The following WASF2 variants were observed in gnomAD, a reference collection of about 807,000 sequenced individuals.
WASF2 encodes the protein actin-binding protein WASF2.
A neutral mutation model predicts 45.0 loss-of-function variants in WASF2; 14 were observed. The ratio of observed to expected loss-of-function variants is 0.31; its 90% CI spans 0.21 to 0.49. The LOEUF is 0.49. Among genes scored for constraint, WASF2 ranks in the 20% least tolerant of loss-of-function variants. WASF2 has a pLI of 0.99. For missense variants in WASF2, 439 were observed against 636.1 expected (o/e 0.69, Z 3.33); for synonymous variants, 200 against 236.3 (o/e 0.85, Z 1.41).
At chr1:27,461,629 A>C (rs1274430990) in intron 1 of WASF2, among the ~76,000 whole-genome samples, 1 of 148,658 alleles carries the variant, frequency 6.7e-6, no homozygotes, top group African/African-American at 2.5e-5. Context: ...CGCCCAGCTA[A>C]TTTTTTTTTT....
rs1214970696 is a variant in WASF2, at chr1:27,455,514, G to C, written c.-43-26581C>G. ...AGAAAAATCAGACTAGGAATGATCAGAGAGAATGTGTTATTTAAGGCCCTT... is the reference window on the plus strand; with the variant it reads ...AGAAAAATCAGACTAGGAATGATCACAGAGAATGTGTTATTTAAGGCCCTT... On this transcript the variant is annotated intron_variant, in intron 1 of 8. Transcript: ENST00000618852. Among the ~76,000 whole-genome samples, 7 of 152,276 alleles carry C rather than the reference G, an allele frequency of 4.6e-5. No individual in the cohort carries two copies. The East Asian group carries it at 7.7e-4, about 17-fold the overall frequency.
intron 1 of WASF2, among the ~76,000 whole-genome samples, chr1:27,478,252 T>A (rs377524788): frequency 5.8e-5 from 4 of 69,148 alleles, no homozygotes; most frequent in South Asian, 8.2e-4. Context: ...AAGTAGAAAA[T>A]AAATTTCATG....
At chr1:27,422,568 G>A (rs1322510544) in intron 2 of WASF2, among the ~76,000 whole-genome samples, 4 of 138,532 alleles carry the variant, frequency 2.9e-5, no homozygotes, top group South Asian at 2.2e-4. Context: ...GCAGTGAGCC[G>A]AGATTGTGCC....
chr1:27,423,549 T>C (rs1476448014), intron 2 of WASF2, among the ~76,000 whole-genome samples: 2 of 152,200 alleles, frequency 1.3e-5, no homozygotes, highest in African/African-American at 2.4e-5. Context: ...TTTGATAGTA[T>C]CTATTCTTCA....
chr1:27,470,629 G>A (rs1388179384), intron 1 of WASF2, among the ~76,000 whole-genome samples: 1 of 149,648 alleles, frequency 6.7e-6, no homozygotes, highest in African/African-American at 2.5e-5. Context: ...AGAAATATGT[G>A]AGTCAAAATG....
intron 2 of WASF2, 61 bp from the exon 3 acceptor site, chr1:27,419,149 A>T (rs2016867652): frequency 6.3e-7 from 1 of 1,591,858 alleles, no homozygotes; most frequent in Admixed American, 1.7e-5. Flanking sequence ...GGTCACAAAA[A>T]CTGGCTACTA....
intron 1 of WASF2, among the ~76,000 whole-genome samples, chr1:27,454,135 ATGTGTGTG>A (rs376322285): frequency 2.6e-5 from 1 of 37,976 alleles, no homozygotes; most frequent in African/African-American, 9.9e-5. Flanking sequence ...GTATATATAT[ATGTGTGTG>A]TGTGTGTGTG....
At chr1:27,451,522 A>C (rs1342638578) in intron 1 of WASF2, among the ~76,000 whole-genome samples, 1 of 152,136 alleles carries the variant, frequency 6.6e-6, no homozygotes, top group Non-Finnish European at 1.5e-5. Flanking sequence ...CACTTAACAG[A>C]GTGTGCTAAA....
intron 1 of WASF2, among the ~76,000 whole-genome samples, chr1:27,434,020 G>C (rs886265618): frequency 6.6e-6 from 1 of 152,184 alleles, no homozygotes; most frequent in Non-Finnish European, 1.5e-5. Context: ...CTGCTAATTT[G>C]GGGATTTGAG....
chr1:27,418,455 C>A, intron 3 of WASF2, 33 bp from the exon 4 acceptor site: 5 of 1,614,014 alleles, frequency 3.1e-6, no homozygotes, highest in Non-Finnish European at 4.2e-6. Flanking sequence ...AGAAAATGGA[C>A]GACAGGCTAT....
chr1:27,442,990 C>CAA lies in WASF2; in HGVS notation c.-43-14059_-43-14058dup, dbSNP rs782114128. 7.4e-3 allele frequency among the ~76,000 whole-genome samples: 473 copies of CAA among 64,168 alleles called. 6 individuals carry two copies. Among genetic ancestry groups the CAA allele is most frequent in the South Asian group, 0.02 (39 of 1,934 alleles). 42.1% of individuals were successfully genotyped at this position (64,168 alleles called of 152,430 possible). A position where few individuals can be genotyped will look rare whatever the true frequency, so the allele number is the denominator to read the frequency against. On this transcript the variant is annotated intron_variant, in intron 1 of 8. Transcript: ENST00000618852. ...TAGGAAACAGAGCGAGACTCTGTCT[C>CAA]AAAAAAAAAAAAAAAAAAAAAAAAT...
chr1:27,420,297 C>T (rs1009976858), intron 2 of WASF2, among the ~76,000 whole-genome samples: 1 of 152,132 alleles, frequency 6.6e-6, no homozygotes, highest in Non-Finnish European at 1.5e-5. Flanking sequence ...CTTTCAAGCC[C>T]TCTCTGAAAA....
intron 5 of WASF2, among the ~76,000 whole-genome samples, chr1:27,415,264 C>T (rs2016811933): frequency 6.6e-6 from 1 of 152,194 alleles, no homozygotes; most frequent in South Asian, 2.1e-4. Flanking sequence ...TGTTAGTAAA[C>T]AGCTATTTAT....
At chr1:27,475,276 A>C (rs1001613878) in intron 1 of WASF2, among the ~76,000 whole-genome samples, 3 of 152,182 alleles carry the variant, frequency 2.0e-5, no homozygotes, top group Admixed American at 6.5e-5. Flanking sequence ...AGAACTCCTT[A>C]ACAGTCCTAA....
intron 1 of WASF2, among the ~76,000 whole-genome samples, chr1:27,473,501 A>G (rs2017722813): frequency 6.6e-6 from 1 of 151,974 alleles, no homozygotes; most frequent in Admixed American, 6.6e-5. Context: ...TACATTGTTA[A>G]TCATGGAAAA....
At position 27,407,964 on chromosome 1, in the gene WASF2, G is replaced by A; in HGVS notation, c.*225C>T. 2.1e-6 allele frequency: 1 copy of A among 472,242 alleles called. No homozygotes were observed. Among genetic ancestry groups the A allele is most frequent in the Non-Finnish European group, 3.7e-6 (1 of 268,184 alleles). 29.3% of individuals were successfully genotyped at this position (472,242 alleles called of 1,614,324 possible). On this transcript the variant is annotated 3_prime_UTR_variant, in exon 9 of 9. Coordinates refer to ENST00000618852, the MANE Select transcript of WASF2 (RefSeq NM_006990.5). ...CTTGAAGGAAAGAGGGAACATCCCA[G>A]CTACTGAACCTCAGGAGCCCCACAG... is the stretch of plus-strand genomic sequence containing the variant.
At chr1:27,454,823 T>C (rs902104734) in intron 1 of WASF2, among the ~76,000 whole-genome samples, 3 of 152,108 alleles carry the variant, frequency 2.0e-5, no homozygotes, top group Admixed American at 1.3e-4. Flanking sequence ...TGTAGGAACA[T>C]ATCATGATTA....
Position 27,406,494 on chromosome 1 carries a change from C to CA in WASF2, c.*1694dup, listed in dbSNP as rs2016677712. The CA allele has an allele frequency of 6.6e-6, 1 of 152,656 alleles. No individual in the cohort carries two copies. Among genetic ancestry groups the CA allele is most frequent in the Non-Finnish European group, 1.5e-5 (1 of 68,078 alleles). The allele number at this position is 152,656 out of a possible 1,614,324, so 9.5% of individuals were successfully genotyped here. On this transcript the variant is annotated 3_prime_UTR_variant, in exon 9 of 9. Transcript: ENST00000618852. The stretch of plus-strand genomic sequence containing the variant: ...CCGGAGGGCTTTATGAGGGCTTTGG[C>CA]AATTACTACAACCATTTGCTGTGCT...
intron 1 of WASF2, among the ~76,000 whole-genome samples, chr1:27,477,462 C>G (rs1392689301): frequency 6.6e-6 from 1 of 152,166 alleles, no homozygotes; most frequent in African/African-American, 2.4e-5. Flanking sequence ...ATCACTTGAA[C>G]CAGGCAGGTG....
Sources: gnomAD v4.1 joint callset for allele counts (sites outside exome capture counted in the v4.1 genomes callset) on GRCh38, gnomAD v4.1.1 for gene constraint, MANE v1.5 for transcripts, NCBI Gene and HGNC (gene_info 2026-07-23, HGNC 2026-07-21) for gene names.